CDH12: variants seen among roughly 807,000 people sequenced by gnomAD.
The protein encoded by CDH12 is cadherin 12, also known as cadherin-12.
In CDH12, 41 loss-of-function variants were observed where a neutral mutation model predicts 74.1. That is an observed-to-expected ratio of 0.55 (90% confidence interval 0.43 to 0.72). The LOEUF is 0.72. Among genes scored for constraint, CDH12 ranks in the 30% least tolerant of loss-of-function variants. The pLI is 0.00. For synonymous variants in CDH12, 399 were observed against 355.0 expected (o/e 1.12, Z -1.39); for missense variants, 945 against 977.2 (o/e 0.97, Z 0.44).
chr5:22,360,815 A>G (rs1245762590), intron 3 of CDH12, among the ~76,000 whole-genome samples: 1 of 152,176 alleles, frequency 6.6e-6, no homozygotes, highest in Non-Finnish European at 1.5e-5. Flanking sequence ...AATAAACAGA[A>G]CCAAAGACAA....
intron 8 of CDH12, among the ~76,000 whole-genome samples, chr5:21,823,208 G>C (rs1227784998): frequency 6.6e-6 from 1 of 151,956 alleles, no homozygotes; most frequent in Non-Finnish European, 1.5e-5. Flanking sequence ...CGCTCTAAAG[G>C]AAAGTTACAC....
intron 1 of CDH12, among the ~76,000 whole-genome samples, chr5:22,545,087 A>T (rs1738257522): frequency 6.6e-6 from 1 of 152,178 alleles, no homozygotes; most frequent in South Asian, 2.1e-4. Context: ...TTTTTACAAG[A>T]TGCCTCTGGC....
intron 1 of CDH12, among the ~76,000 whole-genome samples, chr5:22,663,833 A>G (rs1740469268): frequency 6.7e-6 from 1 of 148,208 alleles, no homozygotes. Flanking sequence ...AATAACAATT[A>G]TATATAAAAT....
At chr5:22,182,054 T>G (rs2150338421) in intron 4 of CDH12, among the ~76,000 whole-genome samples, 1 of 152,242 alleles carries the variant, frequency 6.6e-6, no homozygotes, top group Non-Finnish European at 1.5e-5. Flanking sequence ...ACTCCATCTT[T>G]AAGCCCTATA....
intron 6 of CDH12, among the ~76,000 whole-genome samples, chr5:21,942,355 C>T (rs374654026): frequency 0.21 from 27,003 of 127,762 alleles, 4,255 homozygotes; most frequent in African/African-American, 0.48. Context: ...TATACACACA[C>T]ACACACACAC....
intron 4 of CDH12, among the ~76,000 whole-genome samples, chr5:22,105,071 T>C (rs1443400857): frequency 1.3e-5 from 2 of 151,874 alleles, no homozygotes; most frequent in East Asian, 3.9e-4. Context: ...CGTATGTCTG[T>C]CTCTGTTTCC....
chr5:21,981,515 G>GT (rs1404699495), intron 5 of CDH12, among the ~76,000 whole-genome samples: 1 of 151,852 alleles, frequency 6.6e-6, no homozygotes, highest in Non-Finnish European at 1.5e-5. Flanking sequence ...GTTTACAGTT[G>GT]TTTTTTTGAC....
intron 3 of CDH12, among the ~76,000 whole-genome samples, chr5:22,326,311 T>A (rs1025363946): frequency 6.6e-6 from 1 of 152,018 alleles, no homozygotes; most frequent in African/African-American, 2.4e-5. Flanking sequence ...CTCGGCTCAC[T>A]GCAGGCTCCG....
chr5:21,910,483 C>T (rs955895301), intron 6 of CDH12, among the ~76,000 whole-genome samples: 2 of 151,998 alleles, frequency 1.3e-5, no homozygotes, highest in East Asian at 1.9e-4. Context: ...CTTGCAAGAT[C>T]GTGCAAATGT....
At chr5:21,997,227 T>C (rs1736350412) in intron 5 of CDH12, among the ~76,000 whole-genome samples, 2 of 152,086 alleles carry the variant, frequency 1.3e-5, no homozygotes, top group Admixed American at 1.3e-4. Context: ...AATAATGCAT[T>C]TTCTCTGGTT....
At chr5:22,184,706 C>A (rs1375603545) in intron 4 of CDH12, among the ~76,000 whole-genome samples, 2 of 152,184 alleles carry the variant, frequency 1.3e-5, no homozygotes, top group Non-Finnish European at 2.9e-5. Flanking sequence ...TGTGCAGAAC[C>A]AGCTCAAAGT....
intron 5 of CDH12, among the ~76,000 whole-genome samples, chr5:22,023,361 T>C (rs1220367148): frequency 6.6e-6 from 1 of 152,178 alleles, no homozygotes; most frequent in African/African-American, 2.4e-5. Flanking sequence ...ATTTGTCCAA[T>C]GATATGCACA....
At chr5:22,455,559 T>C (rs1488375393) in intron 2 of CDH12, among the ~76,000 whole-genome samples, 2 of 152,182 alleles carry the variant, frequency 1.3e-5, no homozygotes, top group Non-Finnish European at 2.9e-5. Flanking sequence ...AGAACCATGA[T>C]GTAAACCATA....
intron 2 of CDH12, among the ~76,000 whole-genome samples, chr5:22,458,065 A>C (rs1314745034): frequency 6.6e-6 from 1 of 151,850 alleles, no homozygotes; most frequent in Non-Finnish European, 1.5e-5. Context: ...TTTTTAGTAG[A>C]GATGGGGTTT....
chr5:22,214,389 T>C (rs1221825225), intron 3 of CDH12, among the ~76,000 whole-genome samples: 2 of 152,174 alleles, frequency 1.3e-5, no homozygotes, highest in East Asian at 3.9e-4. Flanking sequence ...TATCCAATTT[T>C]AGATTGGCAT....
chr5:22,520,455 A>T lies in CDH12; in HGVS notation c.-522-15091T>A, dbSNP rs1292943915. ...GGAATCCAGCAAATAAGTTAGATTCAAGTAACCTAAAGAACACTTATGGAG... is the reference window on the plus strand; with the variant it reads ...GGAATCCAGCAAATAAGTTAGATTCTAGTAACCTAAAGAACACTTATGGAG... On this transcript the variant is annotated intron_variant, in intron 1 of 14. Coordinates refer to ENST00000382254, the MANE Select transcript of CDH12 (RefSeq NM_004061.5). Among the ~76,000 whole-genome samples the T allele has an allele frequency of 2.0e-5, 3 of 152,172 alleles. No homozygotes were observed. The South Asian group carries it at 6.2e-4, about 32-fold the overall frequency.
At chr5:22,743,594 G>A (rs1337279784) in intron 1 of CDH12, among the ~76,000 whole-genome samples, 1 of 151,976 alleles carries the variant, frequency 6.6e-6, no homozygotes, top group Non-Finnish European at 1.5e-5. Flanking sequence ...ATTACTAAAG[G>A]TCATTATACA....
chr5:21,760,500 T>C, intron 13 of CDH12, 58 bp downstream of exon 13: 1 of 824,766 alleles, frequency 1.2e-6, no homozygotes, highest in South Asian at 1.4e-5. Flanking sequence ...ATTCCTCCCT[T>C]TGTGCCTTTT....
Position 22,429,078 on chromosome 5 carries a change from G to A in CDH12, c.-427-23727C>T, listed in dbSNP as rs149944765. The stretch of plus-strand genomic sequence containing the variant: ...CCTTTTGGTTAGCCTCAAATTTCCC[G>A]TCAGTTAATATCCCACTTTTATTCT... On this transcript the variant is annotated intron_variant, in intron 2 of 14. Coordinates refer to ENST00000382254, the MANE Select transcript of CDH12 (RefSeq NM_004061.5). Among the ~76,000 whole-genome samples the A allele has an allele frequency of 3.7e-3, 566 of 151,046 alleles. 5 individuals carry two copies. The highest frequency in any genetic ancestry group is 0.012 in the African/African-American group (503 of 41,166).
Sources: allele counts gnomAD v4.1 joint callset (sites outside exome capture counted in the v4.1 genomes callset), GRCh38; gene constraint gnomAD v4.1.1; transcripts MANE v1.5; gene names NCBI Gene and HGNC (gene_info 2026-07-23, HGNC 2026-07-21).